PCBP3: variants seen among roughly 807,000 people sequenced by gnomAD.
PCBP3 encodes poly(rC)-binding protein 3.
A neutral mutation model predicts 52.7 loss-of-function variants in PCBP3; 25 were observed. That is an observed-to-expected ratio of 0.47 (90% CI 0.35 to 0.66). The LOEUF is 0.66. Ranked by LOEUF, PCBP3 falls within the 30% of genes least tolerant of loss-of-function variation. PCBP3 has a pLI of 0.01. For missense variants in PCBP3, 391 were observed against 490.3 expected (o/e 0.80, Z 1.91); for synonymous variants, 162 against 183.0 (o/e 0.89, Z 0.93).
At chr21:45,733,453 A>G (rs546075423) in intron 2 of PCBP3, among the ~76,000 whole-genome samples, 1 of 151,906 alleles carries the variant, frequency 6.6e-6, no homozygotes, top group South Asian at 2.1e-4. Flanking sequence ...TGCCTGGCTA[A>G]TTTTTTTGTG....
chr21:45,737,171 G>T lies in PCBP3; in HGVS notation c.-162+1742G>T, dbSNP rs2085938734. ...CTGGGGCACATCAGGGGTCTCACAG[G>T]TCATCCCGAGGCTGCTCTCAGTCCA... is the stretch of plus-strand genomic sequence containing the variant. On this transcript the variant is annotated intron_variant, in intron 3 of 17. Transcript: ENST00000681687. The surrounding 1 kb of genome is among the most constrained non-coding windows in gnomAD (Gnocchi z 4.9). 6.6e-6 allele frequency among the ~76,000 whole-genome samples: 1 copy of T among 152,078 alleles called. No individual in the cohort carries two copies. The highest frequency in any genetic ancestry group is 1.5e-5 in the Non-Finnish European group (1 of 67,988).
intron 4 of PCBP3, among the ~76,000 whole-genome samples, chr21:45,794,408 C>A (rs988801293): frequency 2.6e-5 from 4 of 151,556 alleles, no homozygotes; most frequent in Non-Finnish European, 5.9e-5. Flanking sequence ...AGAATGAGAC[C>A]CCACCTCTAA....
intron 5 of PCBP3, among the ~76,000 whole-genome samples, chr21:45,862,013 G>T (rs2094528188): frequency 6.6e-6 from 1 of 152,130 alleles, no homozygotes; most frequent in Admixed American, 6.5e-5. Flanking sequence ...TCCCCTGGAG[G>T]CCACGAACGC....
intron 2 of PCBP3, among the ~76,000 whole-genome samples, chr21:45,732,020 C>T (rs1347876580): frequency 6.6e-6 from 1 of 151,800 alleles, no homozygotes; most frequent in Admixed American, 6.6e-5. Flanking sequence ...TATTATTTTC[C>T]TTTTGTGTTT....
chr21:45,888,400 T>A (rs940269012), intron 5 of PCBP3, among the ~76,000 whole-genome samples: 1 of 152,250 alleles, frequency 6.6e-6, no homozygotes, highest in Non-Finnish European at 1.5e-5. Context: ...CATTTATGGG[T>A]GCCCGCGGGT....
At position 45,800,059 on chromosome 21, in the gene PCBP3, C is replaced by G. The variant is rs139769810; in HGVS notation, c.-126+44607C>G. ...TTGTTCTCTCACTGTGAGAACCACCCAGTGATGGTTCTTGTGCTGTTCTCT... is the reference window on the plus strand; with the variant it reads ...TTGTTCTCTCACTGTGAGAACCACCGAGTGATGGTTCTTGTGCTGTTCTCT... On this transcript the variant is annotated intron_variant, in intron 4 of 17. Transcript: ENST00000681687. This position sits in a 1 kb window ranked among gnomAD's most constrained non-coding sequence, Gnocchi z 5.3. 1.3e-3 allele frequency among the ~76,000 whole-genome samples: 201 copies of G among 152,258 alleles called. 1 individual carries two copies. Among genetic ancestry groups the G allele is most frequent in the Non-Finnish European group, 2.5e-3 (168 of 68,022 alleles).
chr21:45,770,025 T>C (rs1403495124), intron 4 of PCBP3, among the ~76,000 whole-genome samples: 2 of 152,178 alleles, frequency 1.3e-5, no homozygotes, highest in Non-Finnish European at 2.9e-5. Context: ...GTGGAGATGG[T>C]AGTGCTCACC....
chr21:45,663,422 A>G (rs1015494839), intron 1 of PCBP3, among the ~76,000 whole-genome samples: 2 of 151,986 alleles, frequency 1.3e-5, no homozygotes, highest in Non-Finnish European at 2.9e-5. Context: ...TATTTCTGCC[A>G]TCTCTCATCT....
rs558399252 is a variant in PCBP3, at chr21:45,808,172, A to G, written c.-125-41789A>G. Among the ~76,000 whole-genome samples the G allele has an allele frequency of 1.2e-4, 19 of 152,364 alleles. 1 individual carries two copies. The South Asian group carries it at 2.1e-3, about 17-fold the overall frequency. On this transcript the variant is annotated intron_variant, in intron 4 of 17. Coordinates refer to ENST00000681687, the MANE Select transcript of PCBP3 (RefSeq NM_001384156.1). ...ATGACTAAAACCAAAAGCAATGGCA[A>G]CAAAAGCCAAAATTGACAAATGGGA...
At chr21:45,801,148 C>T (rs761408928) in intron 4 of PCBP3, among the ~76,000 whole-genome samples, 65 of 152,378 alleles carry the variant, frequency 4.3e-4, no homozygotes, top group Non-Finnish European at 7.3e-4. Context: ...CTGGCTCTCA[C>T]TGCCACTGCG....
At chr21:45,874,096 G>A (rs1453432688) in intron 5 of PCBP3, among the ~76,000 whole-genome samples, 3 of 152,222 alleles carry the variant, frequency 2.0e-5, no homozygotes, top group African/African-American at 7.2e-5. Flanking sequence ...CCTAAGTGCT[G>A]GGATCACAGG....
intron 4 of PCBP3, among the ~76,000 whole-genome samples, chr21:45,807,067 C>T (rs1234203102): frequency 1.3e-5 from 2 of 152,148 alleles, no homozygotes; most frequent in Non-Finnish European, 2.9e-5. Flanking sequence ...TTATGACAAA[C>T]CCACAGCCAA....
At chr21:45,903,354 G>T (rs1263548928) in intron 9 of PCBP3, among the ~76,000 whole-genome samples, 4 of 152,100 alleles carry the variant, frequency 2.6e-5, no homozygotes, top group South Asian at 2.1e-4. Context: ...TTTAATAATT[G>T]GTTGCTTTTC....
intron 4 of PCBP3, among the ~76,000 whole-genome samples, chr21:45,758,092 T>C (rs1764826507): frequency 6.6e-6 from 1 of 152,210 alleles, no homozygotes; most frequent in Non-Finnish European, 1.5e-5. Context: ...TTTCACCATG[T>C]TGCCCAGGGT....
intron 9 of PCBP3, among the ~76,000 whole-genome samples, chr21:45,905,272 C>T (rs2839048): frequency 0.32 from 49,064 of 152,054 alleles, 8,977 homozygotes; most frequent in East Asian, 0.67. Context: ...GCACTGGCCT[C>T]GCATCTGCAG....
intron 5 of PCBP3, among the ~76,000 whole-genome samples, chr21:45,890,414 T>C (rs2095623972): frequency 1.3e-5 from 2 of 152,012 alleles, no homozygotes; most frequent in African/African-American, 2.4e-5. Context: ...TAATAGAACC[T>C]GGAACTCTGT....
intron 4 of PCBP3, among the ~76,000 whole-genome samples, chr21:45,844,328 C>T (rs981123180): frequency 6.6e-6 from 1 of 152,048 alleles, no homozygotes; most frequent in Non-Finnish European, 1.5e-5. Flanking sequence ...GCCCCAGCAC[C>T]TAAGGACTCT....
At chr21:45,729,096 G>C (rs548792162) in intron 2 of PCBP3, among the ~76,000 whole-genome samples, 2 of 152,202 alleles carry the variant, frequency 1.3e-5, no homozygotes, top group African/African-American at 4.8e-5. Context: ...TTATGCCCTG[G>C]AAACCACTAA....
At chr21:45,695,383 T>C (rs969396814) in intron 2 of PCBP3, among the ~76,000 whole-genome samples, 5 of 152,122 alleles carry the variant, frequency 3.3e-5, no homozygotes, top group Non-Finnish European at 7.4e-5. Context: ...CAGTTTCTTA[T>C]CAAGAGTAGC....
Sources: allele counts gnomAD v4.1 joint callset (sites outside exome capture counted in the v4.1 genomes callset), GRCh38; gene constraint gnomAD v4.1.1; non-coding constraint Gnocchi (gnomAD v3.1); transcripts MANE v1.5; gene names NCBI Gene and HGNC (gene_info 2026-07-23, HGNC 2026-07-21).